HTR1F: variants seen among roughly 807,000 people sequenced by gnomAD.
HTR1F encodes 5-hydroxytryptamine (serotonin) receptor 1F, G protein-coupled.
HTR1F carries 17 observed loss-of-function variants against 24.0 expected under a neutral mutation model. The observed-to-expected ratio is 0.71, with a 90% CI of 0.48 to 1.06. HTR1F has a LOEUF of 1.06. Among genes scored for constraint, HTR1F ranks in the 50% least tolerant of loss-of-function variants. The pLI, the probability that HTR1F is intolerant of heterozygous loss-of-function variation, is 0.00. For synonymous variants in HTR1F, 186 were observed against 156.8 expected, an observed-to-expected ratio of 1.19 and a Z score of -1.39; for missense variants, 391 against 427.8, an observed-to-expected ratio of 0.91 and a Z score of 0.76.
intron 2 of HTR1F, among the ~76,000 whole-genome samples, chr3:87,979,672 G>T (rs1438534165): frequency 6.6e-6 from 1 of 152,202 alleles, no homozygotes; most frequent in Non-Finnish European, 1.5e-5. Context: ...TGCCCACTCA[G>T]CCTGGCAGGC....
intron 2 of HTR1F, among the ~76,000 whole-genome samples, chr3:87,990,125 G>A (rs899243295): frequency 2.6e-5 from 4 of 152,060 alleles, no homozygotes; most frequent in East Asian, 1.9e-4. Flanking sequence ...AAACTTGTTC[G>A]TGGAGTTTCT....
chr3:87,944,061 T>C (rs535169050), intron 2 of HTR1F, among the ~76,000 whole-genome samples: 24 of 152,298 alleles, frequency 1.6e-4, no homozygotes, highest in Non-Finnish European at 1.6e-4. Flanking sequence ...CCTCTGCTTA[T>C]CAGATTAGTT....
chr3:87,989,231 C>T (rs948488535), intron 2 of HTR1F, among the ~76,000 whole-genome samples: 14 of 152,136 alleles, frequency 9.2e-5, no homozygotes, highest in Non-Finnish European at 4.4e-5. Flanking sequence ...TAAAGCAAAA[C>T]TTATAAGCCA....
chr3:87,991,645 T>G lies in HTR1F; in HGVS notation c.896T>G (p.Leu299Trp). 1 of 1,613,254 alleles carries G rather than the reference T, an allele frequency of 6.2e-7. No homozygotes were observed. The highest frequency in any genetic ancestry group is 1.3e-5 in the African/African-American group (1 of 74,992). The change falls in exon 3 of 3, where the codon TTG becomes TGG. Residue 299 changes from leucine to tryptophan, a missense_variant. By Grantham distance (61) the Leu-to-Trp change is moderately conservative. Transcript: ENST00000319595. The stretch of plus-strand genomic sequence containing the variant: ...GCAGCCACTACCCTGGGATTAATCT[T>G]GGGTGCATTTGTAATATGTTGGCTT... ...RKAATTLGLILGAFVICWLPF... is the reference protein window; with the variant it reads ...RKAATTLGLIWGAFVICWLPF...
At chr3:87,917,535 C>G (rs1218908936) in intron 2 of HTR1F, among the ~76,000 whole-genome samples, 1 of 151,780 alleles carries the variant, frequency 6.6e-6, no homozygotes, top group Non-Finnish European at 1.5e-5. Flanking sequence ...GGAGATATTA[C>G]AACTGACACC....
chr3:87,948,890 C>A (rs1231834781), intron 2 of HTR1F, among the ~76,000 whole-genome samples: 1 of 152,150 alleles, frequency 6.6e-6, no homozygotes, highest in East Asian at 1.9e-4. Flanking sequence ...TAGAACCTTG[C>A]TTTAGGAGTA....
intron 2 of HTR1F, among the ~76,000 whole-genome samples, chr3:87,966,610 G>T (rs1178770328): frequency 6.6e-6 from 1 of 152,108 alleles, no homozygotes; most frequent in African/African-American, 2.4e-5. Flanking sequence ...TTAAGTTGAT[G>T]ACTCAATTCA....
chr3:87,927,502 C>T (rs1704155231), intron 2 of HTR1F, among the ~76,000 whole-genome samples: 1 of 151,922 alleles, frequency 6.6e-6, no homozygotes, highest in East Asian at 1.9e-4. Context: ...TCTACAGTCA[C>T]ACCAAAAAAA....
At chr3:87,913,651 T>C (rs2107357073) in intron 2 of HTR1F, among the ~76,000 whole-genome samples, 1 of 152,214 alleles carries the variant, frequency 6.6e-6, no homozygotes, top group Non-Finnish European at 1.5e-5. Flanking sequence ...TGCACCACTA[T>C]TCACAATAAC....
intron 2 of HTR1F, among the ~76,000 whole-genome samples, chr3:87,823,644 A>T (rs1469322680): frequency 6.6e-6 from 1 of 151,446 alleles, no homozygotes; most frequent in Non-Finnish European, 1.5e-5. Flanking sequence ...CCTCCCTAGT[A>T]GCTGGGACTA....
intron 2 of HTR1F, among the ~76,000 whole-genome samples, chr3:87,942,307 C>G (rs1377074250): frequency 6.6e-6 from 1 of 152,044 alleles, no homozygotes; most frequent in Non-Finnish European, 1.5e-5. Flanking sequence ...GTCCTAGGAC[C>G]CCTCAGATAG....
chr3:87,805,750 C>T (rs2932287), intron 1 of HTR1F, among the ~76,000 whole-genome samples: 9,775 of 151,982 alleles, frequency 0.064, 965 homozygotes, highest in African/African-American at 0.21. Flanking sequence ...CTACGGCACA[C>T]GTTTACCCGT....
chr3:87,903,939 A>ATC, intron 2 of HTR1F, among the ~76,000 whole-genome samples: 1 of 152,210 alleles, frequency 6.6e-6, no homozygotes, highest in East Asian at 1.9e-4. Flanking sequence ...TAAGAATGTT[A>ATC]AAGTAAAGCC....
At chr3:87,911,183 T>C (rs1010754351) in intron 2 of HTR1F, among the ~76,000 whole-genome samples, 2 of 152,022 alleles carry the variant, frequency 1.3e-5, no homozygotes, top group Non-Finnish European at 2.9e-5. Context: ...ATCTAGGAGT[T>C]TGTTTTCTGC....
intron 2 of HTR1F, among the ~76,000 whole-genome samples, chr3:87,931,026 C>CTTTTTTTTTTTTTTTTTTTTT (rs34617109): frequency 1.5e-5 from 2 of 131,840 alleles, no homozygotes; most frequent in Non-Finnish European, 1.6e-5. Context: ...ATAGTCTTTC[C>CTTTTTTTTTTTTTTTTTTTTT]TTTTTTTTTT....
At chr3:87,821,450 A>T (rs1225638596) in intron 1 of HTR1F, among the ~76,000 whole-genome samples, 1 of 152,132 alleles carries the variant, frequency 6.6e-6, no homozygotes, top group Admixed American at 6.5e-5. Flanking sequence ...ATCCCACAAA[A>T]CATAGAAAGT....
chr3:87,848,305 GT>G (rs1704994063), intron 2 of HTR1F, among the ~76,000 whole-genome samples: 3 of 151,866 alleles, frequency 2.0e-5, no homozygotes, highest in African/African-American at 2.4e-5. Flanking sequence ...CTGGCTGTTT[GT>G]ATGTCTTCTT....
chr3:87,866,041 C>CTAAG (rs1324659461), intron 2 of HTR1F, among the ~76,000 whole-genome samples: 1 of 152,248 alleles, frequency 6.6e-6, no homozygotes, highest in East Asian at 1.9e-4. Flanking sequence ...TTTTCCTGTC[C>CTAAG]TAAGTTTTTC....
At chr3:87,884,303 T>C (rs1705883523) in intron 2 of HTR1F, among the ~76,000 whole-genome samples, 1 of 152,182 alleles carries the variant, frequency 6.6e-6, no homozygotes, top group African/African-American at 2.4e-5. Context: ...TGAGAAATTT[T>C]GTCACCACCC....
Sources: gnomAD v4.1 joint callset for allele counts (sites outside exome capture counted in the v4.1 genomes callset) on GRCh38, gnomAD v4.1.1 for gene constraint, MANE v1.5 for transcripts, NCBI Gene and HGNC (gene_info 2026-07-23, HGNC 2026-07-21) for gene names.